The following PAX7 variants were observed in gnomAD, a reference collection of about 807,000 sequenced individuals.
The protein encoded by PAX7 is paired box protein Pax-7.
Under a neutral mutation model 50.7 loss-of-function variants are expected in PAX7, and 18 were observed. The observed-to-expected ratio is 0.36, with a 90% CI of 0.25 to 0.53. PAX7 has a LOEUF of 0.53. Ranked by LOEUF, PAX7 falls within the 20% of genes least tolerant of loss-of-function variation. The pLI, the probability that PAX7 is intolerant of heterozygous loss-of-function variation, is 0.93. For missense variants in PAX7, 644 were observed against 702.9 expected (o/e 0.92, Z 0.95); for synonymous variants, 310 against 290.4 (o/e 1.07, Z -0.69).
Position 18,636,955 on chromosome 1 carries a change from G to A in PAX7, c.586+584G>A, listed in dbSNP as rs996366712. ...CCCGCGTTGCCAGGGCGGACTGGGG[G>A]ACAGAGAGTGCCTTCCTCTGTGGCG... On this transcript the variant is annotated intron_variant, in intron 4 of 8. Coordinates refer to ENST00000420770, the MANE Select transcript of PAX7 (RefSeq NM_001135254.2). This position sits in a 1 kb window ranked among gnomAD's most constrained non-coding sequence, Gnocchi z 5.1. Among the ~76,000 whole-genome samples, 1 of 152,210 alleles carries A rather than the reference G, an allele frequency of 6.6e-6. No individual in the cohort carries two copies. Among genetic ancestry groups the A allele is most frequent in the Non-Finnish European group, 1.5e-5 (1 of 68,036 alleles).
At chr1:18,677,542 A>G (rs2088841467) in intron 4 of PAX7, among the ~76,000 whole-genome samples, 1 of 152,154 alleles carries the variant, frequency 6.6e-6, no homozygotes, top group African/African-American at 2.4e-5. Flanking sequence ...ACACCTTGTT[A>G]GGTGCACAGA....
intron 8 of PAX7, among the ~76,000 whole-genome samples, chr1:18,741,463 A>G (rs68033245): frequency 3.4e-4 from 51 of 149,596 alleles, no homozygotes; most frequent in Admixed American, 2.7e-3. Context: ...AAGAAAAAAA[A>G]AAAGAAAGAA....
rs940557119 is a variant in PAX7 at position 18,745,549 on chromosome 1, C to T, written c.*620C>T. 8.7e-6 allele frequency: 2 copies of T among 231,146 alleles called. No homozygotes were observed. Among genetic ancestry groups the T allele is most frequent in the Non-Finnish European group, 1.7e-5 (2 of 116,914 alleles). 14.3% of individuals were successfully genotyped at this position (231,146 alleles called of 1,614,324 possible). ...GGAATTTGAAGGACTTCAGAACCCT[C>T]CCCAGACACCTCTACTGGGTGCATG... On this transcript the variant is annotated 3_prime_UTR_variant, in exon 9 of 9. Transcript: ENST00000420770.
At position 18,748,475 on chromosome 1, in the gene PAX7, C is replaced by T. The variant is rs1353505653; in HGVS notation, c.*3546C>T. ...AGACCAAATGGGGGTTCTCTAGCCG[C>T]CAACTTGAAACGCTCTGAGACTTCT... is the stretch of plus-strand genomic sequence containing the variant. On this transcript the variant is annotated 3_prime_UTR_variant, in exon 9 of 9. Coordinates refer to ENST00000420770, the MANE Select transcript of PAX7 (RefSeq NM_001135254.2). 4.3e-6 allele frequency: 1 copy of T among 232,032 alleles called. No homozygotes were observed. Among genetic ancestry groups the T allele is most frequent in the Non-Finnish European group, 8.5e-6 (1 of 117,340 alleles). The allele number at this position is 232,032 out of a possible 1,614,324, so 14.4% of individuals were successfully genotyped here. A position where few individuals can be genotyped will look rare whatever the true frequency, so the allele number is the denominator to read the frequency against.
In PAX7 at chr1:18,735,894, C is replaced by T; in HGVS notation, c.1402+16C>T. 6.2e-7 allele frequency: 1 copy of T among 1,614,064 alleles called. No individual in the cohort carries two copies. Among genetic ancestry groups the T allele is most frequent in the Non-Finnish European group, 8.5e-7 (1 of 1,180,012 alleles). On this transcript the variant is annotated intron_variant, in intron 8 of 8. Coordinates refer to ENST00000420770, the MANE Select transcript of PAX7 (RefSeq NM_001135254.2). This position sits in a 1 kb window ranked among gnomAD's most constrained non-coding sequence, Gnocchi z 4.0. ...TACGGCCAGAGTGAGTGCCTGGTGC[C>T]CTGGGCGTCCCCCGTCCCCATTCCT...
rs1385751812 is a variant in PAX7 at position 18,700,915 on chromosome 1, T to C, written c.952+97T>C. ...GGCTCTTCTTTTTTTTATGACCATTTCTTACTTTCATGTAAGCAGGCTATT... is the reference window on the plus strand; with the variant it reads ...GGCTCTTCTTTTTTTTATGACCATTCCTTACTTTCATGTAAGCAGGCTATT... On this transcript the variant is annotated intron_variant, in intron 6 of 8. Transcript: ENST00000420770. The surrounding 1 kb of genome is among the most constrained non-coding windows in gnomAD (Gnocchi z 4.8). The C allele has an allele frequency of 2.6e-6, 3 of 1,171,468 alleles. No individual in the cohort carries two copies. Among genetic ancestry groups the C allele is most frequent in the Non-Finnish European group, 3.4e-6 (3 of 880,248 alleles). 72.6% of individuals were successfully genotyped at this position (1,171,468 alleles called of 1,614,324 possible).
chr1:18,651,798 A>ACCCCTCCC (rs2088435127), intron 4 of PAX7, among the ~76,000 whole-genome samples: 1 of 98,044 alleles, frequency 1.0e-5, no homozygotes, highest in Non-Finnish European at 2.1e-5. Context: ...TCACAGTGCC[A>ACCCCTCCC]CCCCTCCCCC....
Position 18,631,611 on chromosome 1 carries a change from C to T in PAX7, c.8C>T (p.Ala3Val). 6.2e-7 allele frequency: 1 copy of T among 1,612,072 alleles called. No individual in the cohort carries two copies. The highest frequency in any genetic ancestry group is 8.5e-7 in the Non-Finnish European group (1 of 1,179,552). Residue 3 changes from alanine to valine, a missense_variant, in exon 1 of 9, where the codon GCC (alanine) becomes GTC (valine). Ala to Val is a moderately conservative substitution (Grantham distance 64). Coordinates refer to ENST00000420770, the MANE Select transcript of PAX7 (RefSeq NM_001135254.2). Reference sequence around the variant, plus strand: ...TCCCCGGCGTGCGCAAGAATGGCGGCCCTTCCCGGCACGGTACCGAGAATG... The same window carrying T: ...TCCCCGGCGTGCGCAAGAATGGCGGTCCTTCCCGGCACGGTACCGAGAATG... The part of the protein sequence containing the change: MA[A>V]LPGTVPRMMR...
At chr1:18,686,588 G>A (rs1408078892) in intron 4 of PAX7, among the ~76,000 whole-genome samples, 2 of 152,240 alleles carry the variant, frequency 1.3e-5, no homozygotes, top group East Asian at 3.9e-4. Flanking sequence ...CAACCAGCAG[G>A]GCCTCTGTGG....
intron 8 of PAX7, among the ~76,000 whole-genome samples, chr1:18,742,839 C>A (rs889784556): frequency 1.1e-4 from 16 of 152,228 alleles, no homozygotes; most frequent in African/African-American, 3.6e-4. Context: ...GGCCAAGCCC[C>A]TTCATGCTCT....
intron 7 of PAX7, among the ~76,000 whole-genome samples, chr1:18,728,805 C>T (rs540248405): frequency 2.6e-5 from 4 of 151,204 alleles, no homozygotes; most frequent in Non-Finnish European, 4.4e-5. Context: ...GCAGAGGTTG[C>T]GGTGAGCCGA....
chr1:18,665,111 TGCACACAGCTTA>T (rs960280218), intron 4 of PAX7, among the ~76,000 whole-genome samples: 5 of 152,168 alleles, frequency 3.3e-5, no homozygotes, highest in Non-Finnish European at 5.9e-5. Flanking sequence ...ATGTGATGTG[TGCACACAGCTTA>T]GCAGCGAGCC....
rs570521328 is a variant in PAX7 at position 18,742,122 on chromosome 1, C to T, written c.1403-2692C>T. 6.0e-5 allele frequency among the ~76,000 whole-genome samples: 9 copies of T among 150,610 alleles called. No homozygotes were observed. In the South Asian group the frequency reaches 1.5e-3, roughly 25 times the overall value. On this transcript the variant is annotated intron_variant, in intron 8 of 8. Transcript: ENST00000420770. ...ACCCTGGCTTCTCCTCTTTCTATTC[C>T]GACTGTCCCTCTAAGAATGAGGCTT...
intron 8 of PAX7, among the ~76,000 whole-genome samples, chr1:18,738,982 C>T (rs1008145855): frequency 5.3e-5 from 8 of 152,198 alleles, no homozygotes; most frequent in African/African-American, 1.9e-4. Context: ...CAACTTAATC[C>T]ATCTGTGGCT....
In PAX7 at chr1:18,631,572, C is replaced by G. The variant is rs996245259; in HGVS notation, c.-32C>G. The G allele has an allele frequency of 4.4e-6, 7 of 1,595,342 alleles. No individual in the cohort carries two copies. The highest frequency in any genetic ancestry group is 6.0e-6 in the Non-Finnish European group (7 of 1,168,016). On this transcript the variant is annotated 5_prime_UTR_variant, in exon 1 of 9. Transcript: ENST00000420770. The stretch of plus-strand genomic sequence containing the variant: ...GGAGCGGACGGGAAGCGATTTTTGC[C>G]GACTTTGGATTCGTCCCCGGCGTGC...
chr1:18,683,371 C>T (rs987087158), intron 4 of PAX7, among the ~76,000 whole-genome samples: 2 of 151,986 alleles, frequency 1.3e-5, no homozygotes, highest in African/African-American at 4.8e-5. Flanking sequence ...TCAGTTGTTA[C>T]CAACCCAGCA....
At chr1:18,670,334 A>G (rs1048656975) in intron 4 of PAX7, among the ~76,000 whole-genome samples, 10 of 152,098 alleles carry the variant, frequency 6.6e-5, no homozygotes, top group African/African-American at 2.4e-4. Flanking sequence ...CCTGTTTCCA[A>G]CCCCCATCAT....
At chr1:18,647,500 A>G (rs1570118563) in intron 4 of PAX7, among the ~76,000 whole-genome samples, 1 of 149,508 alleles carries the variant, frequency 6.7e-6, no homozygotes, top group Non-Finnish European at 1.5e-5. Flanking sequence ...GTGGGGGGGG[A>G]GAGGAGAAGG....
At chr1:18,734,352 G>T (rs2089685179) in intron 7 of PAX7, among the ~76,000 whole-genome samples, 1 of 152,040 alleles carries the variant, frequency 6.6e-6, no homozygotes. Context: ...GTCATCAGGG[G>T]CCTGGGCCCT....
Sources: allele counts gnomAD v4.1 joint callset (sites outside exome capture counted in the v4.1 genomes callset), GRCh38; gene constraint gnomAD v4.1.1; non-coding constraint Gnocchi (gnomAD v3.1); transcripts MANE v1.5; gene names NCBI Gene and HGNC (gene_info 2026-07-23, HGNC 2026-07-21).